SIPA1L1: variants seen among roughly 807,000 people sequenced by gnomAD.
The protein encoded by SIPA1L1 is signal-induced proliferation-associated 1-like protein 1.
In SIPA1L1, 26 loss-of-function variants were observed where a neutral mutation model predicts 162.7. That is an observed-to-expected ratio of 0.16 (90% CI 0.12 to 0.22). The LOEUF (loss-of-function observed/expected upper bound fraction) is 0.22, where lower values mean the gene tolerates loss of function less well. Ranked by LOEUF, SIPA1L1 falls within the 10% of genes least tolerant of loss-of-function variation. The probability of loss-of-function intolerance (pLI) is 1.00; values close to 1 mark genes in which losing one functional copy is unlikely to be tolerated. For missense variants in SIPA1L1, 1,874 were observed against 2,241.0 expected, an observed-to-expected ratio of 0.84 and a Z score of 3.31; for synonymous variants, 829 against 837.4, an observed-to-expected ratio of 0.99 and a Z score of 0.17.
At chr14:71,480,880 C>A (rs1329076535) in intron 2 of SIPA1L1, among the ~76,000 whole-genome samples, 2 of 152,144 alleles carry the variant, frequency 1.3e-5, no homozygotes, top group African/African-American at 2.4e-5. Flanking sequence ...AAATTCTGTG[C>A]TAGGATCACA....
At chr14:71,627,311 T>C (rs951044650) in intron 7 of SIPA1L1, among the ~76,000 whole-genome samples, 2 of 151,870 alleles carry the variant, frequency 1.3e-5, no homozygotes, top group Non-Finnish European at 2.9e-5. Flanking sequence ...CACTCCTGGC[T>C]AATTTTTGCA....
chr14:71,563,394 A>G (rs1043986057), intron 4 of SIPA1L1, among the ~76,000 whole-genome samples: 3 of 150,198 alleles, frequency 2.0e-5, no homozygotes, highest in African/African-American at 7.4e-5. Context: ...TGGATTTCGT[A>G]TTTTCTTTCT....
rs776955418 is a variant in SIPA1L1, at chr14:71,735,321, C to G, written c.5053C>G (p.Pro1685Ala). 6.2e-7 allele frequency: 1 copy of G among 1,614,180 alleles called. No homozygotes were observed. The highest frequency in any genetic ancestry group is 1.1e-5 in the South Asian group (1 of 91,080). Residue 1685 changes from proline (P) to alanine (A), a missense_variant, in exon 22 of 24, where the codon CCC (proline) becomes GCC (alanine). This residue lies in a region of SIPA1L1 where 936 missense variants were observed against 1,051.9 expected (regional missense o/e 0.89). Coordinates refer to ENST00000381232, the MANE Select transcript of SIPA1L1 (RefSeq NM_001386936.1). ...TGCTGCTAGTGATGAAAACCATCGCCCCTTGAGTGCTGCATCCAACAGTGA... is the reference window on the plus strand; with the variant it reads ...TGCTGCTAGTGATGAAAACCATCGCGCCTTGAGTGCTGCATCCAACAGTGA... ...FFAASDENHR[P>A]LSAASNSDQL...
At chr14:71,597,113 G>A (rs1297267924) in intron 5 of SIPA1L1, among the ~76,000 whole-genome samples, 2 of 151,816 alleles carry the variant, frequency 1.3e-5, no homozygotes, top group Non-Finnish European at 2.9e-5. Flanking sequence ...GGGATCACAA[G>A]CGTGCATCAT....
chr14:71,445,252 A>G (rs2045252189), intron 2 of SIPA1L1, among the ~76,000 whole-genome samples: 3 of 152,132 alleles, frequency 2.0e-5, no homozygotes. Context: ...CCTCCTGTAT[A>G]TTTCCTGATA....
intron 2 of SIPA1L1, chr14:71,448,582 G>A (rs1391577263): frequency 2.6e-5 from 4 of 152,240 alleles, no homozygotes; most frequent in East Asian, 3.8e-4. Context: ...GCTGAAATAA[G>A]TGGAATTGGG....
At chr14:71,690,127 G>A (rs555369142) in intron 13 of SIPA1L1, among the ~76,000 whole-genome samples, 1 of 152,146 alleles carries the variant, frequency 6.6e-6, no homozygotes, top group Admixed American at 6.5e-5. Flanking sequence ...CCAAATACTG[G>A]CCCCCTCCAT....
intron 12 of SIPA1L1, among the ~76,000 whole-genome samples, chr14:71,675,312 C>T (rs1351028344): frequency 6.6e-6 from 1 of 152,194 alleles, no homozygotes; most frequent in Non-Finnish European, 1.5e-5. Context: ...GTGCACTGCA[C>T]AGCCCCACCA....
At chr14:71,597,485 T>A (rs2036178309) in intron 5 of SIPA1L1, among the ~76,000 whole-genome samples, 1 of 152,192 alleles carries the variant, frequency 6.6e-6, no homozygotes, top group South Asian at 2.1e-4. Flanking sequence ...TATGAATAAA[T>A]GCTGAGGTGG....
chr14:71,645,095 C>T (rs1280940174), intron 7 of SIPA1L1, among the ~76,000 whole-genome samples: 1 of 152,178 alleles, frequency 6.6e-6, no homozygotes, highest in African/African-American at 2.4e-5. Flanking sequence ...CTGGTGGCTG[C>T]CCGTGCACCT....
chr14:71,356,496 C>T (rs976240871), intron 2 of SIPA1L1, among the ~76,000 whole-genome samples: 23 of 134,158 alleles, frequency 1.7e-4, no homozygotes, highest in African/African-American at 5.1e-4. Context: ...TTTGGGAGGC[C>T]GTGGCAGGAG....
intron 3 of SIPA1L1, among the ~76,000 whole-genome samples, chr14:71,525,262 A>C (rs2094294637): frequency 6.6e-6 from 1 of 151,336 alleles, no homozygotes; most frequent in Non-Finnish European, 1.5e-5. Flanking sequence ...GGCTCACTGC[A>C]AGCCCCACCT....
At chr14:71,391,622 A>G (rs1262855141) in intron 2 of SIPA1L1, among the ~76,000 whole-genome samples, 2 of 152,194 alleles carry the variant, frequency 1.3e-5, no homozygotes, top group Non-Finnish European at 2.9e-5. Flanking sequence ...CTAGCCAAGA[A>G]ATAGCATGTT....
intron 2 of SIPA1L1, among the ~76,000 whole-genome samples, chr14:71,390,015 T>C (rs1014329549): frequency 1.3e-5 from 2 of 152,234 alleles, no homozygotes; most frequent in Non-Finnish European, 2.9e-5. Flanking sequence ...AGAGAGTAAA[T>C]GCAATTTATG....
chr14:71,374,699 T>TTG (rs926420431), intron 2 of SIPA1L1, among the ~76,000 whole-genome samples: 4 of 151,496 alleles, frequency 2.6e-5, no homozygotes, highest in African/African-American at 9.7e-5. Flanking sequence ...TGAAAGTTTT[T>TTG]TTTTTTTTTT....
rs2082156224 is a variant in SIPA1L1 at position 71,702,403 on chromosome 14, C to A, written c.3544C>A (p.Pro1182Thr). 1 of 1,613,968 alleles carries A rather than the reference C, an allele frequency of 6.2e-7. No individual in the cohort carries two copies. Among genetic ancestry groups the A allele is most frequent in the South Asian group, 1.1e-5 (1 of 91,062 alleles). Residue 1182 changes from proline (P) to threonine (T), a missense_variant, in exon 15 of 24, where the codon CCA (proline) becomes ACA (threonine). By Grantham distance (38) the Pro-to-Thr change is conservative (BLOSUM62 -1). Around this residue, in one of 5 missense-constraint regions of SIPA1L1, gnomAD observed 936 missense variants for 1,051.9 expected, o/e 0.89. Coordinates refer to ENST00000381232, the MANE Select transcript of SIPA1L1 (RefSeq NM_001386936.1). ...PEGFGVSRRSPASIDRQNTQS... is the reference protein window; with the variant it reads ...PEGFGVSRRSTASIDRQNTQS... ...CAGGTTTGGAGTGAGCCGTAGATCC[C>A]CAGCCTCCATTGACAGGCAGAACAC...
At chr14:71,445,602 A>G (rs2045284209) in intron 2 of SIPA1L1, among the ~76,000 whole-genome samples, 1 of 152,190 alleles carries the variant, frequency 6.6e-6, no homozygotes, top group South Asian at 2.1e-4. Context: ...TACTATATGG[A>G]GTCATGCATT....
At chr14:71,533,593 A>T (rs1167453725) in intron 4 of SIPA1L1, among the ~76,000 whole-genome samples, 1 of 152,194 alleles carries the variant, frequency 6.6e-6, no homozygotes, top group Non-Finnish European at 1.5e-5. Context: ...ATCACTATGT[A>T]ATTTTGTGTT....
chr14:71,400,558 T>TGTA (rs1566975227), intron 2 of SIPA1L1, among the ~76,000 whole-genome samples: 1 of 151,786 alleles, frequency 6.6e-6, no homozygotes. Flanking sequence ...GATGTTGAGA[T>TGTA]TGTATGTATG....
Sources: gnomAD v4.1 joint callset for allele counts (sites outside exome capture counted in the v4.1 genomes callset) on GRCh38, gnomAD v4.1.1 for gene constraint, gnomAD v4.1.1 regional missense constraint, MANE v1.5 for transcripts, NCBI Gene and HGNC (gene_info 2026-07-23, HGNC 2026-07-21) for gene names.